The following SLFN12L variants were observed in gnomAD, a reference collection of about 807,000 sequenced individuals.
SLFN12L encodes schlafen family member 12-like.
A neutral mutation model predicts 34.8 loss-of-function variants in SLFN12L; 34 were observed. The ratio of observed to expected loss-of-function variants is 0.98; its 90% confidence interval spans 0.74 to 1.30. The LOEUF (loss-of-function observed/expected upper bound fraction) is 1.30, where lower values mean the gene tolerates loss of function less well. Ranked by LOEUF, SLFN12L falls within the 50% of genes most tolerant of loss-of-function variation. The pLI is 0.00. For synonymous variants in SLFN12L, 259 were observed against 247.5 expected, an observed-to-expected ratio of 1.05 and a Z score of -0.44; for missense variants, 703 against 696.2, an observed-to-expected ratio of 1.01 and a Z score of -0.11.
chr17:35,534,958 G>A (rs2072444771), intron 1 of SLFN12L, among the ~76,000 whole-genome samples: 1 of 149,996 alleles, frequency 6.7e-6, no homozygotes, highest in Admixed American at 6.6e-5. Flanking sequence ...AATGCTTGTG[G>A]TGCTCCTCAT....
chr17:35,497,127 A>T (rs534643541), intron 2 of SLFN12L, among the ~76,000 whole-genome samples: 1 of 152,224 alleles, frequency 6.6e-6, no homozygotes, highest in Non-Finnish European at 1.5e-5. Flanking sequence ...GCAGTGGCTC[A>T]CGCCTGTAAT....
Position 35,480,040 on chromosome 17 carries a change from T to C in SLFN12L, c.242A>G (p.Gln81Arg). 1 of 1,614,220 alleles carries C rather than the reference T, an allele frequency of 6.2e-7. No individual in the cohort carries two copies. Among genetic ancestry groups the C allele is most frequent in the South Asian group, 1.1e-5 (1 of 91,084 alleles). ...AGCTCGTGAGACATTTTCATTCTGC[T>C]GTTTTCTCAGTTGACAATCCTTCAT... ...KKMKDCQLRK[Q>R]QNENVSRAVC... is the part of the protein sequence containing the mutation. The change falls in exon 3 of 5, where the codon CAG becomes CGG. Residue 81 changes from glutamine to arginine, a missense_variant. Coordinates refer to ENST00000628453, the MANE Select transcript of SLFN12L (RefSeq NM_001363830.2).
At chr17:35,530,553 A>T (rs567942416) in intron 1 of SLFN12L, among the ~76,000 whole-genome samples, 1 of 151,996 alleles carries the variant, frequency 6.6e-6, no homozygotes, top group Non-Finnish European at 1.5e-5. Context: ...AAAGAAAGAA[A>T]GAAAGAGAAA....
chr17:35,492,395 T>C (rs1482641823), intron 2 of SLFN12L, among the ~76,000 whole-genome samples: 1 of 152,058 alleles, frequency 6.6e-6, no homozygotes, highest in African/African-American at 2.4e-5. Flanking sequence ...GCCCCTGTGA[T>C]GGGGGAAAGG....
At chr17:35,537,489 C>A (rs546764116) in intron 1 of SLFN12L, 84 bp downstream of exon 1, 7 of 152,364 alleles carry the variant, frequency 4.6e-5, no homozygotes, top group Admixed American at 2.0e-4. Flanking sequence ...AGATTTTCAT[C>A]TTAGAGTTAT....
In SLFN12L at chr17:35,536,808, CA is replaced by C. The variant is rs567836499; in HGVS notation, c.-606+764del. Among the ~76,000 whole-genome samples the C allele has an allele frequency of 2.5e-3, 321 of 128,222 alleles. 1 individual carries two copies. Among genetic ancestry groups the C allele is most frequent in the South Asian group, 4.2e-3 (17 of 4,096 alleles). 84.1% of individuals were successfully genotyped at this position (128,222 alleles called of 152,430 possible). On this transcript the variant is annotated intron_variant, in intron 1 of 4. Transcript: ENST00000628453. ...TGGGTGACAGAGTGAGAGCCTGTCT[CA>C]AAAAAAAAAAAATAAGAAAAATAAG...
chr17:35,529,724 T>G (rs955036362), intron 1 of SLFN12L, among the ~76,000 whole-genome samples: 5 of 151,902 alleles, frequency 3.3e-5, no homozygotes, highest in Non-Finnish European at 5.9e-5. Context: ...GGGACAACAT[T>G]AGGAGAAATA....
At chr17:35,480,813 G>A (rs1026505637) in intron 2 of SLFN12L, among the ~76,000 whole-genome samples, 8 of 152,050 alleles carry the variant, frequency 5.3e-5, no homozygotes, top group African/African-American at 1.9e-4. Flanking sequence ...TTTACAAGGA[G>A]GTAATCGTGG....
In SLFN12L at chr17:35,522,290, C is replaced by T. The variant is rs267604811; in HGVS notation, c.75G>A (p.Arg25=). 2.4e-4 allele frequency: 386 copies of T among 1,613,994 alleles called. No individual in the cohort carries two copies. The highest frequency in any genetic ancestry group is 4.1e-5 in the Non-Finnish European group (48 of 1,180,016). Residue 25 remains arginine (R), a synonymous_variant, in exon 2 of 5, where the codon AGG becomes AGA. Coordinates refer to ENST00000628453, the MANE Select transcript of SLFN12L (RefSeq NM_001363830.2). The part of the protein sequence containing the change: ...ILYICESQFL[R]NFIRKEFLRG... Reference sequence around the variant, plus strand: ...GTCCAACTGCTTACCTGATGAAATTCCTCAGAAACTGACTTTCACAAATGT... The same window carrying T: ...GTCCAACTGCTTACCTGATGAAATTTCTCAGAAACTGACTTTCACAAATGT...
At position 35,466,137 on chromosome 17, in the gene SLFN12L, T is replaced by C. The variant is rs1353490650; in HGVS notation, c.*8786A>G. ...TGGTACATTTGTTACAATTGATTAA[T>C]CTAAATTAATACATCATAATCACTC... On this transcript the variant is annotated 3_prime_UTR_variant, in exon 5 of 5. Transcript: ENST00000628453. 3.3e-5 allele frequency among the ~76,000 whole-genome samples: 5 copies of C among 152,204 alleles called. No individual in the cohort carries two copies. The highest frequency in any genetic ancestry group is 9.7e-5 in the African/African-American group (4 of 41,442).
rs1213408811 is a variant in SLFN12L, at chr17:35,469,699, C to G, written c.*5224G>C. ...GGCATCCATTAATCACAGGGCCAAACTAATGGCCAACATTCTTTACATCCC... is the reference window on the plus strand; with the variant it reads ...GGCATCCATTAATCACAGGGCCAAAGTAATGGCCAACATTCTTTACATCCC... On this transcript the variant is annotated 3_prime_UTR_variant, in exon 5 of 5. Coordinates refer to ENST00000628453, the MANE Select transcript of SLFN12L (RefSeq NM_001363830.2). Among the ~76,000 whole-genome samples, 1 of 152,112 alleles carries G rather than the reference C, an allele frequency of 6.6e-6. No homozygotes were observed. Among genetic ancestry groups the G allele is most frequent in the Non-Finnish European group, 1.5e-5 (1 of 68,034 alleles).
At chr17:35,531,652 T>C (rs886663847) in intron 1 of SLFN12L, among the ~76,000 whole-genome samples, 2 of 152,112 alleles carry the variant, frequency 1.3e-5, no homozygotes, top group African/African-American at 4.8e-5. Context: ...GTTTCACTCT[T>C]GTTGCCCAGG....
Position 35,479,466 on chromosome 17 carries a change from T to G in SLFN12L, c.816A>C (p.Ala272=). The change falls in exon 3 of 5, where the codon GCA becomes GCC. Residue 272 remains alanine, a synonymous_variant. Transcript: ENST00000628453. ...CGAATAAATATCCTCCATCAGTATT[T>G]GCAAATGCAGAAACATATTGAGGGA... ...EILPQYVSAF[A]NTDGGYLFVG... is the part of the protein sequence containing the mutation. 14 of 1,614,200 alleles carry G rather than the reference T, an allele frequency of 8.7e-6. No individual in the cohort carries two copies. The highest frequency in any genetic ancestry group is 1.2e-5 in the Non-Finnish European group (14 of 1,180,026).
At chr17:35,502,415 G>GAA (rs1491556565) in intron 2 of SLFN12L, among the ~76,000 whole-genome samples, 2 of 46,332 alleles carry the variant, frequency 4.3e-5, no homozygotes, top group Non-Finnish European at 3.9e-5. Context: ...AGTATCCTAA[G>GAA]GAAAAAAAAA....
At chr17:35,507,120 G>C (rs990879568) in intron 2 of SLFN12L, among the ~76,000 whole-genome samples, 3 of 152,162 alleles carry the variant, frequency 2.0e-5, no homozygotes, top group African/African-American at 7.2e-5. Context: ...CCGGCCAGTG[G>C]GCAGGTAGTT....
At chr17:35,529,704 G>C (rs1474508738) in intron 1 of SLFN12L, among the ~76,000 whole-genome samples, 1 of 151,954 alleles carries the variant, frequency 6.6e-6, no homozygotes, top group Non-Finnish European at 1.5e-5. Flanking sequence ...GGGGGTGGGG[G>C]GCTAGGGGAG....
chr17:35,496,896 T>G (rs1416775763), intron 2 of SLFN12L, among the ~76,000 whole-genome samples: 6 of 152,172 alleles, frequency 3.9e-5, no homozygotes, highest in Non-Finnish European at 8.8e-5. Context: ...ATAGGATGGC[T>G]GAAAATGTTA....
At chr17:35,533,860 C>T (rs1190631599) in intron 1 of SLFN12L, among the ~76,000 whole-genome samples, 1 of 152,112 alleles carries the variant, frequency 6.6e-6, no homozygotes, top group Non-Finnish European at 1.5e-5. Context: ...GCGGGCAGAT[C>T]ACCTGAGGTC....
intron 2 of SLFN12L, among the ~76,000 whole-genome samples, chr17:35,521,253 C>T (rs1915986906): frequency 6.6e-6 from 1 of 152,050 alleles, no homozygotes; most frequent in African/African-American, 2.4e-5. Flanking sequence ...CTGGAACAGA[C>T]AAGCAGAGTA....
Sources: allele counts gnomAD v4.1 joint callset (sites outside exome capture counted in the v4.1 genomes callset), GRCh38; gene constraint gnomAD v4.1.1; transcripts MANE v1.5; gene names NCBI Gene and HGNC (gene_info 2026-07-23, HGNC 2026-07-21).